Variants in TRIO observed in about 807,000 individuals in gnomAD.
TRIO encodes trio Rho guanine nucleotide exchange factor.
A neutral mutation model predicts 351.9 loss-of-function variants in TRIO; 58 were observed. The observed-to-expected ratio is 0.16, with a 90% CI of 0.13 to 0.21. The LOEUF is 0.21. Ranked by LOEUF, TRIO falls within the 10% of genes least tolerant of loss-of-function variation. TRIO has a pLI of 1.00. For synonymous variants in TRIO, 1,758 were observed against 1,595.7 expected, an observed-to-expected ratio of 1.10 and a Z score of -2.42; for missense variants, 3,201 against 4,027.8, an observed-to-expected ratio of 0.79 and a Z score of 5.56.
chr5:14,422,321 C>T (rs1042145031), intron 34 of TRIO, among the ~76,000 whole-genome samples: 2 of 152,292 alleles, frequency 1.3e-5, no homozygotes, highest in African/African-American at 4.8e-5. Flanking sequence ...ATGTCTCTGA[C>T]TCTTACTGCT....
At chr5:14,461,847 A>G (rs750969375) in intron 35 of TRIO, among the ~76,000 whole-genome samples, 14 of 152,250 alleles carry the variant, frequency 9.2e-5, no homozygotes, top group Non-Finnish European at 1.6e-4. Flanking sequence ...ATAACCAGTT[A>G]ATTTACTTTG....
At chr5:14,484,275 G>GT (rs1324901868) in intron 46 of TRIO, among the ~76,000 whole-genome samples, 1 of 152,052 alleles carries the variant, frequency 6.6e-6, no homozygotes, top group Non-Finnish European at 1.5e-5. Context: ...TATAACATAG[G>GT]TTTTAGTGAT....
chr5:14,401,396 AC>A (rs1264714935), intron 31 of TRIO, among the ~76,000 whole-genome samples: 1 of 152,166 alleles, frequency 6.6e-6, no homozygotes, highest in Non-Finnish European at 1.5e-5. Context: ...TGAGATACTG[AC>A]CAAAAACTCT....
chr5:14,197,359 C>T (rs934651835), intron 1 of TRIO, among the ~76,000 whole-genome samples: 1 of 152,192 alleles, frequency 6.6e-6, no homozygotes, highest in African/African-American at 2.4e-5. Context: ...GAGCCTTTCT[C>T]ACAGCAGGAG....
chr5:14,326,397 C>T (rs247145), intron 9 of TRIO, among the ~76,000 whole-genome samples: 67,113 of 152,176 alleles, frequency 0.44, 16,952 homozygotes, highest in East Asian at 0.59. Context: ...AGGTGCTGAG[C>T]GATGGTAGCT....
At chr5:14,443,153 G>T (rs1244663509) in intron 34 of TRIO, among the ~76,000 whole-genome samples, 3 of 151,938 alleles carry the variant, frequency 2.0e-5, no homozygotes, top group Non-Finnish European at 2.9e-5. Flanking sequence ...ATTTTTGTTG[G>T]TAATTCTTAA....
At chr5:14,272,383 T>C (rs1561277024) in intron 2 of TRIO, among the ~76,000 whole-genome samples, 2 of 152,342 alleles carry the variant, frequency 1.3e-5, no homozygotes, top group Admixed American at 1.3e-4. Flanking sequence ...GATGGACATG[T>C]GAAGAAAGGT....
intron 34 of TRIO, among the ~76,000 whole-genome samples, chr5:14,442,239 C>T (rs982215350): frequency 1.3e-5 from 2 of 152,188 alleles, no homozygotes; most frequent in South Asian, 2.1e-4. Context: ...TCTTGTCAGC[C>T]GTTATCCGCG....
chr5:14,219,516 G>C (rs1339496038), intron 1 of TRIO, among the ~76,000 whole-genome samples: 1 of 152,188 alleles, frequency 6.6e-6, no homozygotes, highest in African/African-American at 2.4e-5. Flanking sequence ...GGCTGTTTCT[G>C]GCCGGAGTCA....
At chr5:14,334,257 G>T (rs1175819346) in intron 10 of TRIO, among the ~76,000 whole-genome samples, 1 of 152,174 alleles carries the variant, frequency 6.6e-6, no homozygotes, top group African/African-American at 2.4e-5. Flanking sequence ...AGTTGCAGAA[G>T]GACCCAGGGA....
At chr5:14,407,377 G>A (rs527665400) in intron 33 of TRIO, among the ~76,000 whole-genome samples, 2 of 152,342 alleles carry the variant, frequency 1.3e-5, no homozygotes, top group South Asian at 2.1e-4. Flanking sequence ...CTATCCCTTA[G>A]AGAAATGGTC....
intron 13 of TRIO, among the ~76,000 whole-genome samples, chr5:14,363,306 C>T (rs1744314311): frequency 6.6e-6 from 1 of 152,192 alleles, no homozygotes; most frequent in Admixed American, 6.5e-5. Context: ...AGCCGATTTA[C>T]TGTCTACTTC....
At chr5:14,461,602 C>T (rs542248173) in intron 35 of TRIO, among the ~76,000 whole-genome samples, 1 of 152,340 alleles carries the variant, frequency 6.6e-6, no homozygotes, top group African/African-American at 2.4e-5. Flanking sequence ...AGGCCTGGGC[C>T]AGGAGGGAGA....
intron 8 of TRIO, among the ~76,000 whole-genome samples, chr5:14,309,612 C>G (rs1401025317): frequency 6.6e-6 from 1 of 152,228 alleles, no homozygotes; most frequent in Non-Finnish European, 1.5e-5. Context: ...TTCCCTAGTT[C>G]TGCAGTGACT....
chr5:14,383,698 C>T (rs749622012), intron 21 of TRIO, among the ~76,000 whole-genome samples: 1 of 152,190 alleles, frequency 6.6e-6, no homozygotes, highest in Non-Finnish European at 1.5e-5. Flanking sequence ...GAACACCCCT[C>T]ACCTTTCCTT....
At chr5:14,212,271 C>A (rs950651225) in intron 1 of TRIO, among the ~76,000 whole-genome samples, 1 of 152,112 alleles carries the variant, frequency 6.6e-6, no homozygotes, top group Admixed American at 6.5e-5. Context: ...GACCAACAGG[C>A]GGGTTTCTGA....
intron 5 of TRIO, 112 bp from the exon 6 acceptor site, chr5:14,292,900 G>A (rs1737033632): frequency 4.7e-5 from 69 of 1,474,890 alleles, no homozygotes; most frequent in Non-Finnish European, 6.3e-5. Context: ...GACAGCGCTT[G>A]AAGTTGTCCA....
intron 33 of TRIO, among the ~76,000 whole-genome samples, chr5:14,410,920 A>G (rs1363386392): frequency 6.6e-6 from 1 of 152,212 alleles, no homozygotes; most frequent in African/African-American, 2.4e-5. Flanking sequence ...TTTTTGTTCC[A>G]GAAGTGAATT....
At chr5:14,396,353 G>C (rs185601926) in intron 28 of TRIO, among the ~76,000 whole-genome samples, 1 of 150,100 alleles carries the variant, frequency 6.7e-6, no homozygotes, top group African/African-American at 2.4e-5. Context: ...CTGGGATTGT[G>C]TGGTAAACGC....
Sources: allele counts gnomAD v4.1 joint callset (sites outside exome capture counted in the v4.1 genomes callset), GRCh38; gene constraint gnomAD v4.1.1; transcripts MANE v1.5; gene names NCBI Gene and HGNC (gene_info 2026-07-23, HGNC 2026-07-21).